Variants in SGCZ observed in about 807,000 individuals in gnomAD.
SGCZ encodes zeta-sarcoglycan.
SGCZ carries 40 observed loss-of-function variants against 41.3 expected under a neutral mutation model. That is an observed-to-expected ratio of 0.97 (90% confidence interval 0.75 to 1.26). The LOEUF is 1.26. Ranked by LOEUF, SGCZ falls within the 50% of genes most tolerant of loss-of-function variation. The probability of loss-of-function intolerance (pLI) is 0.00; values close to 1 mark genes in which losing one functional copy is unlikely to be tolerated. For missense variants in SGCZ, 552 were observed against 369.8 expected, an observed-to-expected ratio of 1.49 and a Z score of -4.04; for synonymous variants, 206 against 137.5, an observed-to-expected ratio of 1.50 and a Z score of -3.49.
intron 2 of SGCZ, among the ~76,000 whole-genome samples, chr8:14,503,344 T>G (rs972980407): frequency 8.5e-5 from 13 of 152,058 alleles, no homozygotes; most frequent in African/African-American, 3.1e-4. Flanking sequence ...ATACCTAACG[T>G]AGATGATGGG....
chr8:14,522,906 T>C (rs909433034), intron 2 of SGCZ, among the ~76,000 whole-genome samples: 3 of 151,808 alleles, frequency 2.0e-5, no homozygotes, highest in Non-Finnish European at 4.4e-5. Flanking sequence ...AGAAAATATT[T>C]TATGTTGTCT....
chr8:14,376,670 C>T (rs772412764), intron 2 of SGCZ, among the ~76,000 whole-genome samples: 2 of 152,118 alleles, frequency 1.3e-5, no homozygotes, highest in African/African-American at 2.4e-5. Context: ...ATTCCAACTT[C>T]TTTTTAGCAA....
chr8:14,252,922 G>C (rs1799333014), intron 3 of SGCZ, among the ~76,000 whole-genome samples: 1 of 152,078 alleles, frequency 6.6e-6, no homozygotes, highest in Non-Finnish European at 1.5e-5. Context: ...GAAATTCAAA[G>C]AAAATACATC....
At chr8:14,974,517 A>G (rs1801402255) in intron 1 of SGCZ, among the ~76,000 whole-genome samples, 1 of 152,200 alleles carries the variant, frequency 6.6e-6, no homozygotes, top group Non-Finnish European at 1.5e-5. Flanking sequence ...CTGGCCATGC[A>G]TTTTAGAATT....
At chr8:14,091,690 A>G (rs966253611) in intron 7 of SGCZ, among the ~76,000 whole-genome samples, 2 of 151,750 alleles carry the variant, frequency 1.3e-5, no homozygotes, top group African/African-American at 4.9e-5. Context: ...TTTTCCTGTA[A>G]ATTTGTTTGT....
intron 5 of SGCZ, among the ~76,000 whole-genome samples, chr8:14,128,884 A>G (rs774348474): frequency 6.6e-6 from 1 of 152,208 alleles, no homozygotes; most frequent in African/African-American, 2.4e-5. Flanking sequence ...TGGGAGTTAA[A>G]TAACAGCCAT....
chr8:15,133,483 C>T (rs1458532842), intron 1 of SGCZ, among the ~76,000 whole-genome samples: 1 of 152,128 alleles, frequency 6.6e-6, no homozygotes, highest in East Asian at 1.9e-4. Context: ...CGATTTTAGA[C>T]TCTCGTTATC....
rs144270683 is a variant in SGCZ at position 15,109,372 on chromosome 8, G to A, written c.39+128213C>T. Among the ~76,000 whole-genome samples the A allele has an allele frequency of 3.3e-5, 5 of 152,246 alleles. No individual in the cohort carries two copies. In the East Asian group the frequency reaches 9.7e-4, roughly 29 times the overall value. The stretch of plus-strand genomic sequence containing the variant: ...ACTCGAGCTGAGTTTTAAAATTTGA[G>A]AAGGAATGTTGGCCAATTGAGTACT... On this transcript the variant is annotated intron_variant, in intron 1 of 7. Transcript: ENST00000382080.
chr8:14,529,070 A>G (rs545728271), intron 2 of SGCZ, among the ~76,000 whole-genome samples: 39 of 152,212 alleles, frequency 2.6e-4, no homozygotes, highest in African/African-American at 8.7e-4. Context: ...TACATCGCTC[A>G]TCAACCACTT....
chr8:14,372,488 G>T (rs548474291), intron 2 of SGCZ, among the ~76,000 whole-genome samples: 4 of 152,118 alleles, frequency 2.6e-5, no homozygotes, highest in East Asian at 1.9e-4. Context: ...AGGTGAGAAA[G>T]AAATCTCAAG....
In SGCZ at chr8:15,151,342, G is replaced by T. The variant is rs75901323; in HGVS notation, c.39+86243C>A. ...CAACATAAACTGAAAATAAGTATTT[G>T]TTGTTCAAGCCATTCAACTCTGGAG... is the stretch of plus-strand genomic sequence containing the variant. On this transcript the variant is annotated intron_variant, in intron 1 of 7. Coordinates refer to ENST00000382080, the MANE Select transcript of SGCZ (RefSeq NM_139167.4). Among the ~76,000 whole-genome samples the T allele has an allele frequency of 5.9e-3, 902 of 152,292 alleles. 23 individuals carry two copies. The East Asian group carries it at 0.074, about 13-fold the overall frequency.
At chr8:15,066,838 G>A (rs1334430634) in intron 1 of SGCZ, among the ~76,000 whole-genome samples, 1 of 152,124 alleles carries the variant, frequency 6.6e-6, no homozygotes, top group Non-Finnish European at 1.5e-5. Context: ...TTATCATGGA[G>A]AAGTATTATA....
Position 14,085,014 on chromosome 8 carries a change from C to G in SGCZ, c.*5429G>C, listed in dbSNP as rs542758112. ...AAAAAAAGGTTTCCAATTGCCAAAA[C>G]TTTGCTGCATTTTCTCTCCCCCAAA... is the stretch of plus-strand genomic sequence containing the variant. On this transcript the variant is annotated 3_prime_UTR_variant, in exon 8 of 8. Transcript: ENST00000382080. 1.3e-5 allele frequency among the ~76,000 whole-genome samples: 2 copies of G among 151,830 alleles called. No individual in the cohort carries two copies. Among genetic ancestry groups the G allele is most frequent in the East Asian group, 2.0e-4 (1 of 5,128 alleles).
intron 1 of SGCZ, among the ~76,000 whole-genome samples, chr8:14,619,589 A>G (rs1806217558): frequency 1.3e-5 from 2 of 152,204 alleles, no homozygotes; most frequent in African/African-American, 4.8e-5. Flanking sequence ...CAACTTCAGC[A>G]AAGTCTCAGG....
chr8:14,111,482 A>G (rs539332448), intron 5 of SGCZ, among the ~76,000 whole-genome samples: 1 of 152,284 alleles, frequency 6.6e-6, no homozygotes, highest in Non-Finnish European at 1.5e-5. Context: ...GACAAAAGGA[A>G]CACAACAGAG....
At chr8:15,069,533 T>C (rs28571715) in intron 1 of SGCZ, among the ~76,000 whole-genome samples, 1 of 152,054 alleles carries the variant, frequency 6.6e-6, no homozygotes, top group Non-Finnish European at 1.5e-5. Context: ...CCCAGCAGTA[T>C]ACTGGCCCAA....
chr8:15,102,532 T>G (rs553149217), intron 1 of SGCZ, among the ~76,000 whole-genome samples: 1 of 152,120 alleles, frequency 6.6e-6, no homozygotes, highest in Non-Finnish European at 1.5e-5. Flanking sequence ...TTGTTTGTAA[T>G]GATGTATCCA....
At position 14,332,313 on chromosome 8, in the gene SGCZ, T is replaced by C. The variant is rs1031281807; in HGVS notation, c.235-8109A>G. On this transcript the variant is annotated intron_variant, in intron 2 of 7. Transcript: ENST00000382080. ...AAAATTAGTCGGGCGTGGTGGTGGG[T>C]GCCTGTAGTCCCAGCTACTCAGGAG... Among the ~76,000 whole-genome samples, 9 of 151,940 alleles carry C rather than the reference T, an allele frequency of 5.9e-5. No homozygotes were observed. The South Asian group carries it at 8.3e-4, about 14-fold the overall frequency.
rs553236276 is a variant in SGCZ at position 14,341,704 on chromosome 8, A to G, written c.235-17500T>C. On this transcript the variant is annotated intron_variant, in intron 2 of 7. Coordinates refer to ENST00000382080, the MANE Select transcript of SGCZ (RefSeq NM_139167.4). ...AGGAAGTAATTGAATCATGGGGGCCAGTCATTCCTGTGCTATTCTTGTTTG... is the reference window on the plus strand; with the variant it reads ...AGGAAGTAATTGAATCATGGGGGCCGGTCATTCCTGTGCTATTCTTGTTTG... 2.4e-4 allele frequency among the ~76,000 whole-genome samples: 36 copies of G among 152,286 alleles called. 2 individuals carry two copies. The South Asian group carries it at 7.5e-3, about 32-fold the overall frequency.
Sources: allele counts gnomAD v4.1 joint callset (sites outside exome capture counted in the v4.1 genomes callset), GRCh38; gene constraint gnomAD v4.1.1; transcripts MANE v1.5; gene names NCBI Gene and HGNC (gene_info 2026-07-23, HGNC 2026-07-21).